PDGFC: variants seen among roughly 807,000 people sequenced by gnomAD.
PDGFC encodes the protein platelet-derived growth factor C.
In PDGFC, 12 loss-of-function variants were observed where a neutral mutation model predicts 35.5. The observed-to-expected ratio is 0.34, with a 90% confidence interval of 0.22 to 0.55. PDGFC has a LOEUF of 0.55. Among genes scored for constraint, PDGFC ranks in the 20% least tolerant of loss-of-function variants. The pLI is 0.91. For missense variants in PDGFC, 322 were observed against 412.4 expected (o/e 0.78, Z 1.90); for synonymous variants, 159 against 148.8 (o/e 1.07, Z -0.50).
Position 156,763,069 on chromosome 4 carries a change from G to T in PDGFC, c.*21C>A, listed in dbSNP as rs763438376. ...CACTGCACTGCACAGCTCTGGGCAA[G>T]AGCTGCTGGTGGTGATGCGGCTATC... On this transcript the variant is annotated 3_prime_UTR_variant, in exon 6 of 6. Coordinates refer to ENST00000502773, the MANE Select transcript of PDGFC (RefSeq NM_016205.3). 1.6e-6 allele frequency: 2 copies of T among 1,249,686 alleles called. No homozygotes were observed. Among genetic ancestry groups the T allele is most frequent in the African/African-American group, 2.9e-5 (2 of 67,956 alleles). 77.4% of individuals were successfully genotyped at this position (1,249,686 alleles called of 1,614,324 possible).
chr4:156,814,168 T>C (rs1398801862), intron 2 of PDGFC, among the ~76,000 whole-genome samples: 1 of 152,126 alleles, frequency 6.6e-6, no homozygotes, highest in Non-Finnish European at 1.5e-5. Context: ...TTATATTTGC[T>C]CTTTGGCATC....
chr4:156,810,697 G>A, intron 3 of PDGFC, 140 bp downstream of exon 3: 2 of 616,026 alleles, frequency 3.2e-6, no homozygotes, highest in Non-Finnish European at 5.7e-6. Context: ...GCATGTAAGA[G>A]TTTTTATTTA....
chr4:156,862,967 A>G (rs1417834918), intron 1 of PDGFC, among the ~76,000 whole-genome samples: 1 of 152,152 alleles, frequency 6.6e-6, no homozygotes, highest in Non-Finnish European at 1.5e-5. Context: ...TACTTGGATT[A>G]TAGGCCTGAG....
chr4:156,945,154 T>C (rs200476479), intron 1 of PDGFC, among the ~76,000 whole-genome samples: 29 of 151,748 alleles, frequency 1.9e-4, no homozygotes, highest in East Asian at 1.2e-3. Context: ...CTCCCCTCAA[T>C]AGAAATGTAA....
chr4:156,825,386 CAAA>C lies in PDGFC; in HGVS notation c.315-14372_315-14370del, dbSNP rs34775471. On this transcript the variant is annotated intron_variant, in intron 2 of 5. Coordinates refer to ENST00000502773, the MANE Select transcript of PDGFC (RefSeq NM_016205.3). ...AAAGATGGTGAAACCCCGTTTCTAC[CAAA>C]AAAAAAAAAAAAATTCCCAGGCTGG... is the stretch of plus-strand genomic sequence containing the variant. 6.2e-5 allele frequency among the ~76,000 whole-genome samples: 8 copies of C among 128,488 alleles called. No homozygotes were observed. In the East Asian group the frequency reaches 1.1e-3, roughly 18 times the overall value. 84.3% of individuals were successfully genotyped at this position (128,488 alleles called of 152,430 possible).
chr4:156,844,445 A>G (rs1206839636), intron 2 of PDGFC, among the ~76,000 whole-genome samples: 3 of 152,162 alleles, frequency 2.0e-5, no homozygotes, highest in Non-Finnish European at 2.9e-5. Context: ...AATAGAATCC[A>G]AAATATCCAT....
chr4:156,919,918 T>C (rs1731234136), intron 1 of PDGFC, among the ~76,000 whole-genome samples: 1 of 152,090 alleles, frequency 6.6e-6, no homozygotes, highest in Non-Finnish European at 1.5e-5. Context: ...GGGGTTTGGA[T>C]CATGAGTGTC....
intron 3 of PDGFC, among the ~76,000 whole-genome samples, chr4:156,805,758 G>GA (rs1731739402): frequency 6.6e-6 from 1 of 151,678 alleles, no homozygotes; most frequent in Admixed American, 6.6e-5. Flanking sequence ...CAGAAGGGAT[G>GA]AAAAAAAATA....
At chr4:156,773,743 G>A (rs531911481) in intron 3 of PDGFC, 1 of 152,324 alleles carries the variant, frequency 6.6e-6, no homozygotes, top group East Asian at 1.9e-4. Flanking sequence ...CTGAGGATGT[G>A]ATTAAATTGG....
intron 1 of PDGFC, among the ~76,000 whole-genome samples, chr4:156,934,898 G>T (rs1459174595): frequency 6.6e-6 from 1 of 152,104 alleles, no homozygotes; most frequent in Non-Finnish European, 1.5e-5. Flanking sequence ...GCAATAATAG[G>T]CATGGACATG....
At chr4:156,826,174 ATTTTTTTTTTTTTT>A (rs59421806) in intron 2 of PDGFC, among the ~76,000 whole-genome samples, 76 of 43,794 alleles carry the variant, frequency 1.7e-3, no homozygotes, top group African/African-American at 5.5e-3. Flanking sequence ...TTTGAGTTGG[ATTTTTTTTTTTTTT>A]TTTTTTTTTT....
At chr4:156,797,824 A>G (rs1035660714) in intron 3 of PDGFC, among the ~76,000 whole-genome samples, 1 of 152,160 alleles carries the variant, frequency 6.6e-6, no homozygotes, top group Non-Finnish European at 1.5e-5. Context: ...ACAAGAGTAG[A>G]TTACAGTCTG....
At chr4:156,942,177 G>T (rs1025709215) in intron 1 of PDGFC, among the ~76,000 whole-genome samples, 8 of 152,000 alleles carry the variant, frequency 5.3e-5, no homozygotes, top group African/African-American at 1.7e-4. Flanking sequence ...ATACAGGATC[G>T]TATTTACACA....
intron 1 of PDGFC, among the ~76,000 whole-genome samples, chr4:156,930,699 C>T (rs1731529888): frequency 6.6e-6 from 1 of 151,888 alleles, no homozygotes; most frequent in African/African-American, 2.4e-5. Flanking sequence ...GAAACCCTGT[C>T]TCTACTAAAA....
In PDGFC at chr4:156,971,210, T is replaced by A. The variant is rs1466059335; in HGVS notation, c.-307A>T. 2.0e-5 allele frequency: 1 copy of A among 49,648 alleles called. No homozygotes were observed. Among genetic ancestry groups the A allele is most frequent in the African/African-American group, 2.0e-4 (1 of 4,920 alleles). The allele number at this position is 49,648 out of a possible 1,614,324, so 3.1% of individuals were successfully genotyped here. On this transcript the variant is annotated 5_prime_UTR_variant, in exon 1 of 6. Transcript: ENST00000502773. ...GGTGGGGGTGAAGGCGAGGGAGGAA[T>A]GAGGGGGTGGGGACGCGGGGGAGCG... is the stretch of plus-strand genomic sequence containing the variant.
chr4:156,795,946 G>A (rs1271546469), intron 3 of PDGFC, among the ~76,000 whole-genome samples: 1 of 152,116 alleles, frequency 6.6e-6, no homozygotes, highest in Non-Finnish European at 1.5e-5. Context: ...CTGTCGTGGA[G>A]GCAGCAGAGC....
intron 1 of PDGFC, among the ~76,000 whole-genome samples, chr4:156,924,044 A>C (rs1731350114): frequency 6.6e-6 from 1 of 152,262 alleles, no homozygotes; most frequent in South Asian, 2.1e-4. Flanking sequence ...TTAAAATATT[A>C]TTCTTTATTC....
At chr4:156,768,174 T>C (rs1310489236) in intron 4 of PDGFC, among the ~76,000 whole-genome samples, 184 bp from the exon 5 acceptor site, 1 of 152,048 alleles carries the variant, frequency 6.6e-6, no homozygotes. Flanking sequence ...TTCTAGTTCA[T>C]AGCAAACAAA....
chr4:156,896,831 C>A (rs1730643992), intron 1 of PDGFC, among the ~76,000 whole-genome samples: 1 of 152,052 alleles, frequency 6.6e-6, no homozygotes, highest in African/African-American at 2.4e-5. Context: ...CATGAGAAAA[C>A]CATGGAAGCT....
Sources: gnomAD v4.1 joint callset for allele counts (sites outside exome capture counted in the v4.1 genomes callset) on GRCh38, gnomAD v4.1.1 for gene constraint, MANE v1.5 for transcripts, NCBI Gene and HGNC (gene_info 2026-07-23, HGNC 2026-07-21) for gene names.